Variants in CALCRL observed in about 807,000 individuals in gnomAD.
CALCRL encodes the protein calcitonin gene-related peptide type 1 receptor.
A neutral mutation model predicts 60.4 loss-of-function variants in CALCRL; 27 were observed. That is an observed-to-expected ratio of 0.45 (90% CI 0.33 to 0.62). The LOEUF (loss-of-function observed/expected upper bound fraction) is 0.62. Among genes scored for constraint, CALCRL ranks in the 20% least tolerant of loss-of-function variants. The pLI is 0.03. For synonymous variants in CALCRL, 190 were observed against 182.6 expected (o/e 1.04, Z -0.33); for missense variants, 424 against 540.7 (o/e 0.78, Z 2.14).
chr2:187,346,516 T>A, intron 14 of CALCRL, 117 bp from the exon 15 acceptor site: 1 of 649,488 alleles, frequency 1.5e-6, no homozygotes, highest in East Asian at 2.7e-5. Flanking sequence ...AAAAAAGTTA[T>A]GTTAATCAGT....
rs548173383 is a variant in CALCRL, at chr2:187,421,997, A to G, written c.-293+26042T>C. On this transcript the variant is annotated intron_variant, in intron 1 of 14. Coordinates refer to ENST00000392370, the MANE Select transcript of CALCRL (RefSeq NM_005795.6). ...GGACAAAAGGAAAGATATTTGGACC[A>G]AGTATTTTATCCTGGCTCCACCTTA... Among the ~76,000 whole-genome samples, 44 of 152,336 alleles carry G rather than the reference A, an allele frequency of 2.9e-4. No homozygotes were observed. In the South Asian group the frequency reaches 8.3e-3, roughly 29 times the overall value.
At chr2:187,420,461 T>C (rs1689820609) in intron 1 of CALCRL, among the ~76,000 whole-genome samples, 1 of 152,072 alleles carries the variant, frequency 6.6e-6, no homozygotes, top group Non-Finnish European at 1.5e-5. Context: ...TGATTTTTTT[T>C]TCAAAAGAAA....
At chr2:187,406,926 A>AAGTC (rs1186703290) in intron 1 of CALCRL, among the ~76,000 whole-genome samples, 1 of 152,048 alleles carries the variant, frequency 6.6e-6, no homozygotes, top group Non-Finnish European at 1.5e-5. Flanking sequence ...AGTGTTTGTG[A>AAGTC]AGTCTACCAT....
At chr2:187,418,756 C>T (rs545840353) in intron 1 of CALCRL, among the ~76,000 whole-genome samples, 5 of 151,810 alleles carry the variant, frequency 3.3e-5, no homozygotes, top group African/African-American at 1.2e-4. Flanking sequence ...TATTAAGGTT[C>T]TGAGATGTGT....
At chr2:187,378,173 C>T (rs1574248540) in intron 8 of CALCRL, among the ~76,000 whole-genome samples, 1 of 151,694 alleles carries the variant, frequency 6.6e-6, no homozygotes, top group African/African-American at 2.4e-5. Context: ...GCAGCAGTGG[C>T]GGTGGCAGCC....
At chr2:187,447,233 C>T (rs1214755436) in intron 1 of CALCRL, among the ~76,000 whole-genome samples, 3 of 151,620 alleles carry the variant, frequency 2.0e-5, no homozygotes, top group African/African-American at 4.8e-5. Flanking sequence ...AAAGCTGTCA[C>T]GTTTCTTTAT....
intron 1 of CALCRL, among the ~76,000 whole-genome samples, chr2:187,423,484 C>T (rs1417668296): frequency 6.6e-6 from 1 of 151,676 alleles, no homozygotes; most frequent in East Asian, 1.9e-4. Context: ...AAAGGAAACA[C>T]AAAATTGACC....
intron 1 of CALCRL, among the ~76,000 whole-genome samples, chr2:187,411,331 T>C (rs1458130541): frequency 1.3e-5 from 2 of 152,162 alleles, no homozygotes; most frequent in Non-Finnish European, 2.9e-5. Context: ...CATGAGTGTA[T>C]GTACTAACCA....
In CALCRL at chr2:187,378,978, T is replaced by G; in HGVS notation, c.462A>C (p.Ala154=). The G allele has an allele frequency of 6.2e-7, 1 of 1,608,278 alleles. No individual in the cohort carries two copies. Among genetic ancestry groups the G allele is most frequent in the Non-Finnish European group, 8.5e-7 (1 of 1,176,130 alleles). The stretch of plus-strand genomic sequence containing the variant: ...ATATGCCAAGCGAGATAAGCAGTGA[T>G]GCAATAGACAATCCGTGTCCAATTA... ...LTIIGHGLSI[A]SLLISLGIFF... Residue 154 remains alanine (A), a synonymous_variant, in exon 8 of 15, where the codon GCA becomes GCC. Transcript: ENST00000392370.
At chr2:187,388,084 CA>C (rs1259241444) in intron 1 of CALCRL, among the ~76,000 whole-genome samples, 1 of 151,914 alleles carries the variant, frequency 6.6e-6, no homozygotes, top group East Asian at 1.9e-4. Flanking sequence ...TAGATATTTA[CA>C]TTTTTTTCAT....
At chr2:187,389,347 A>G (rs1653833639) in intron 1 of CALCRL, among the ~76,000 whole-genome samples, 1 of 152,092 alleles carries the variant, frequency 6.6e-6, no homozygotes, top group Non-Finnish European at 1.5e-5. Context: ...TGCTGGGATT[A>G]CAAGTGTGAG....
At chr2:187,423,187 A>G (rs1689958959) in intron 1 of CALCRL, among the ~76,000 whole-genome samples, 1 of 152,088 alleles carries the variant, frequency 6.6e-6, no homozygotes, top group Admixed American at 6.6e-5. Context: ...GCAAAGAAAT[A>G]GACCTTTCCC....
At chr2:187,347,705 C>T (rs1308615082) in intron 14 of CALCRL, among the ~76,000 whole-genome samples, 1 of 151,538 alleles carries the variant, frequency 6.6e-6, no homozygotes, top group African/African-American at 2.4e-5. Context: ...AATAGGTGTT[C>T]CAGGATGTCT....
At chr2:187,383,352 T>C in intron 4 of CALCRL, 47 bp from the exon 5 acceptor site, 2 of 1,517,746 alleles carry the variant, frequency 1.3e-6, no homozygotes, top group East Asian at 2.4e-5. Context: ...AAAAGGATTA[T>C]GAAAATGTGT....
intron 1 of CALCRL, among the ~76,000 whole-genome samples, chr2:187,431,020 G>A (rs557938191): frequency 1.8e-4 from 27 of 152,036 alleles, no homozygotes; most frequent in Middle Eastern, 6.8e-3. Context: ...TAACACTCCC[G>A]GTAGTCTGGC....
rs571717584 is a variant in CALCRL at position 187,344,376 on chromosome 2, T to C, written c.*1808A>G. ...TCTGAACTCACCATCTATTGACATA[T>C]TGACAGCTTAAGAAACAACTTATGA... On this transcript the variant is annotated 3_prime_UTR_variant, in exon 15 of 15. Coordinates refer to ENST00000392370, the MANE Select transcript of CALCRL (RefSeq NM_005795.6). The C allele has an allele frequency of 1.3e-5, 2 of 151,678 alleles. No individual in the cohort carries two copies. The highest frequency in any genetic ancestry group is 3.0e-5 in the Non-Finnish European group (2 of 67,694). The allele number at this position is 151,678 out of a possible 1,614,324, so 9.4% of individuals were successfully genotyped here. A position where few individuals can be genotyped will look rare whatever the true frequency, so the allele number is the denominator to read the frequency against.
chr2:187,431,778 A>G (rs1690419771), intron 1 of CALCRL, among the ~76,000 whole-genome samples: 1 of 148,152 alleles, frequency 6.7e-6, no homozygotes, highest in Non-Finnish European at 1.5e-5. Context: ...AAAGAAACAA[A>G]TAAATATTAA....
chr2:187,429,491 G>A (rs1305034569), intron 1 of CALCRL, among the ~76,000 whole-genome samples: 1 of 152,108 alleles, frequency 6.6e-6, no homozygotes, highest in African/African-American at 2.4e-5. Flanking sequence ...TATATTCCAC[G>A]GCAGTGGTAG....
chr2:187,386,946 T>C (rs1374530693), intron 3 of CALCRL, among the ~76,000 whole-genome samples: 1 of 152,216 alleles, frequency 6.6e-6, no homozygotes, highest in Non-Finnish European at 1.5e-5. Flanking sequence ...TTTCACCTTC[T>C]GCCATGATTG....
Sources: gnomAD v4.1 joint callset for allele counts (sites outside exome capture counted in the v4.1 genomes callset) on GRCh38, gnomAD v4.1.1 for gene constraint, MANE v1.5 for transcripts, NCBI Gene and HGNC (gene_info 2026-07-23, HGNC 2026-07-21) for gene names.